The following THADA variants were observed in gnomAD, a reference collection of about 807,000 sequenced individuals.
The protein encoded by THADA is tRNA (32-2'-O)-methyltransferase regulator THADA.
THADA carries 213 observed loss-of-function variants against 219.8 expected under a neutral mutation model. The observed-to-expected ratio is 0.97, with a 90% CI of 0.87 to 1.09. THADA has a LOEUF of 1.09. Among genes scored for constraint, THADA ranks in the 50% least tolerant of loss-of-function variants. The pLI is 0.00. For synonymous variants in THADA, 1,018 were observed against 828.9 expected (o/e 1.23, Z -3.92); for missense variants, 2,956 against 2,311.3 (o/e 1.28, Z -5.72).
intron 36 of THADA, among the ~76,000 whole-genome samples, chr2:43,249,302 G>A (rs887726581): frequency 6.6e-6 from 1 of 152,092 alleles, no homozygotes; most frequent in Non-Finnish European, 1.5e-5. Flanking sequence ...TGTCCAGGCT[G>A]GTCTTGAACT....
chr2:43,578,529 T>C lies in THADA; in HGVS notation c.800A>G (p.Glu267Gly), dbSNP rs1700091322. Reference protein sequence around the residue: ...LFIKTMFHPSEKIPHLISSVL... With the variant: ...LFIKTMFHPSGKIPHLISSVL... ...TGCACTTACCAAATGAGGAATCTTT[T>C]CAGACGGGTGAAACATAGTCTTAAT... Residue 267 changes from glutamate (E) to glycine (G), a missense_variant, in exon 9 of 38, where the codon GAA (glutamate) becomes GGA (glycine). Physicochemically the swap from Glu to Gly is moderately conservative, Grantham distance 98. Transcript: ENST00000405975. 6.2e-7 allele frequency: 1 copy of C among 1,611,508 alleles called. No individual in the cohort carries two copies. The highest frequency in any genetic ancestry group is 1.1e-5 in the South Asian group (1 of 91,004).
chr2:43,295,454 T>C (rs1236096354), intron 31 of THADA, among the ~76,000 whole-genome samples: 1 of 152,202 alleles, frequency 6.6e-6, no homozygotes, highest in Admixed American at 6.5e-5. Flanking sequence ...TCCATGAAGT[T>C]TTATCTACAA....
At chr2:43,535,675 CA>C (rs1177702416) in intron 21 of THADA, among the ~76,000 whole-genome samples, 844 of 30,350 alleles carry the variant, frequency 0.028, no homozygotes, top group Non-Finnish European at 0.036. Flanking sequence ...CAGCGAGACT[CA>C]AAAAAAAAAA....
At chr2:43,330,827 T>C (rs943344229) in intron 30 of THADA, among the ~76,000 whole-genome samples, 4 of 152,136 alleles carry the variant, frequency 2.6e-5, no homozygotes, top group African/African-American at 9.7e-5. Context: ...ACAAGGATGA[T>C]CAGGCCTCGG....
intron 30 of THADA, among the ~76,000 whole-genome samples, chr2:43,323,476 A>C (rs554407255): frequency 4.6e-5 from 7 of 152,306 alleles, no homozygotes; most frequent in African/African-American, 1.7e-4. Context: ...AGTCTATAAA[A>C]ACTTCATTGA....
At position 43,279,768 on chromosome 2, in the gene THADA, T is replaced by G. The variant is rs763479058; in HGVS notation, c.5293A>C (p.Thr1765Pro). ...CAAAAGGATAAGAACGAGGTACCTG[T>G]TGACTGGCAGGTATTTTCTTGTGAC... ...AMSQENTCQSTEFAFCQVDAS... is the reference protein window; with the variant it reads ...AMSQENTCQSPEFAFCQVDAS... The change falls in exon 36 of 38, where the codon ACA becomes CCA. Residue 1765 changes from threonine to proline, a missense_variant. Transcript: ENST00000405975. 5 of 1,548,606 alleles carry G rather than the reference T, an allele frequency of 3.2e-6. No individual in the cohort carries two copies. In the Admixed American group the frequency reaches 8.0e-5, roughly 25 times the overall value.
chr2:43,320,129 T>A (rs1678524577), intron 31 of THADA, among the ~76,000 whole-genome samples: 2 of 152,102 alleles, frequency 1.3e-5, no homozygotes, highest in African/African-American at 2.4e-5. Flanking sequence ...TCACAGCTAT[T>A]CAAAATAATG....
intron 24 of THADA, among the ~76,000 whole-genome samples, chr2:43,502,385 G>C (rs1011860011): frequency 1.1e-4 from 16 of 152,126 alleles, no homozygotes; most frequent in Non-Finnish European, 1.9e-4. Context: ...AGGAGTTCGA[G>C]ACTAGCCTGG....
chr2:43,546,850 T>C (rs1473993152), intron 20 of THADA, among the ~76,000 whole-genome samples: 1 of 152,240 alleles, frequency 6.6e-6, no homozygotes, highest in African/African-American at 2.4e-5. Context: ...GTCTTTCAAT[T>C]GGAGCATTTA....
chr2:43,531,992 T>TG (rs1329674815), intron 21 of THADA, among the ~76,000 whole-genome samples: 2 of 150,914 alleles, frequency 1.3e-5, no homozygotes, highest in Admixed American at 6.6e-5. Flanking sequence ...TTGGTGTGTG[T>TG]TTTTTTTTAA....
chr2:43,500,502 A>C (rs1319657298), intron 24 of THADA, among the ~76,000 whole-genome samples: 1 of 152,236 alleles, frequency 6.6e-6, no homozygotes, highest in East Asian at 1.9e-4. Context: ...TGAGATATGC[A>C]AGAATGCAAA....
intron 22 of THADA, among the ~76,000 whole-genome samples, chr2:43,511,391 T>C (rs1690424852): frequency 6.6e-6 from 1 of 152,150 alleles, no homozygotes; most frequent in Non-Finnish European, 1.5e-5. Flanking sequence ...AACCAACCAC[T>C]CCAAGAAGGC....
chr2:43,396,618 T>G (rs1050953458), intron 29 of THADA, among the ~76,000 whole-genome samples: 1 of 151,978 alleles, frequency 6.6e-6, no homozygotes, highest in African/African-American at 2.4e-5. Flanking sequence ...TTGGCCAACA[T>G]GATGAAACCC....
Position 43,344,199 on chromosome 2 carries a change from G to C in THADA, c.4266C>G (p.His1422Gln). 1 of 1,612,324 alleles carries C rather than the reference G, an allele frequency of 6.2e-7. No individual in the cohort carries two copies. The highest frequency in any genetic ancestry group is 1.3e-5 in the African/African-American group (1 of 74,974). The change falls in exon 30 of 38, where the codon CAC becomes CAG. Residue 1422 changes from histidine (H) to glutamine (Q), a missense_variant. By Grantham distance (24) the His-to-Gln change is conservative. Coordinates refer to ENST00000405975, the MANE Select transcript of THADA (RefSeq NM_022065.5). ...CGTGCTGGAAGTCTGAATTCGTTCC[G>C]TGTTTGGAGTCTGAGTAGGCTTGCA... is the stretch of plus-strand genomic sequence containing the variant. Reference protein sequence around the residue: ...HLLQAYSDSKHGTNSDFQHEL... With the variant: ...HLLQAYSDSKQGTNSDFQHEL...
chr2:43,479,595 T>C (rs1352741056), intron 26 of THADA, among the ~76,000 whole-genome samples: 1 of 151,508 alleles, frequency 6.6e-6, no homozygotes, highest in Non-Finnish European at 1.5e-5. Flanking sequence ...AACATAAGAG[T>C]TTTATAGAGA....
intron 20 of THADA, among the ~76,000 whole-genome samples, chr2:43,547,308 CTTCAT>C (rs1490709321): frequency 6.6e-6 from 1 of 152,160 alleles, no homozygotes; most frequent in African/African-American, 2.4e-5. Flanking sequence ...ACATTTTTTC[CTTCAT>C]TTCAACTTTG....
In THADA at chr2:43,587,012, G is replaced by A. The variant is rs1228515267; in HGVS notation, c.303-10C>T. On this transcript the variant is annotated splice_polypyrimidine_tract_variant and intron_variant, in intron 4 of 37. Coordinates refer to ENST00000405975, the MANE Select transcript of THADA (RefSeq NM_022065.5). ...CAGGCTATTTAGTGAGCTAGAAAAA[G>A]AAACAAATATTAAAAATCTGACAAT... 6.2e-7 allele frequency: 1 copy of A among 1,610,026 alleles called. No homozygotes were observed. The highest frequency in any genetic ancestry group is 1.7e-4 in the Middle Eastern group (1 of 5,970).
intron 24 of THADA, among the ~76,000 whole-genome samples, chr2:43,502,449 G>T (rs1489061928): frequency 1.3e-5 from 2 of 151,906 alleles, no homozygotes; most frequent in Non-Finnish European, 2.9e-5. Flanking sequence ...TCAGGGCATG[G>T]TGGCAGAAGT....
chr2:43,521,389 T>C (rs1692464336), intron 22 of THADA, among the ~76,000 whole-genome samples: 1 of 152,116 alleles, frequency 6.6e-6, no homozygotes, highest in Admixed American at 6.5e-5. Context: ...ACCCAGTCTC[T>C]ATAAAAATAC....
Sources: allele counts gnomAD v4.1 joint callset (sites outside exome capture counted in the v4.1 genomes callset), GRCh38; gene constraint gnomAD v4.1.1; transcripts MANE v1.5; gene names NCBI Gene and HGNC (gene_info 2026-07-23, HGNC 2026-07-21).